The following TF variants were observed in gnomAD, a reference collection of about 807,000 sequenced individuals.
TF encodes serotransferrin.
In TF, 55 loss-of-function variants were observed where a neutral mutation model predicts 82.4. The ratio of observed to expected loss-of-function variants is 0.67; its 90% CI spans 0.54 to 0.84. TF has a LOEUF of 0.84. Among genes scored for constraint, TF ranks in the 40% least tolerant of loss-of-function variants. The pLI, the probability that TF is intolerant of heterozygous loss-of-function variation, is 0.00. For synonymous variants in TF, 332 were observed against 332.6 expected, an observed-to-expected ratio of 1.00 and a Z score of 0.02; for missense variants, 737 against 868.4, an observed-to-expected ratio of 0.85 and a Z score of 1.90.
intron 16 of TF, 135 bp downstream of exon 16, chr3:133,777,373 C>A (rs1934421477): frequency 1.2e-6 from 1 of 813,866 alleles, no homozygotes; most frequent in African/African-American, 1.7e-5. Context: ...GGTGAGTGAA[C>A]AATCTAAGCC....
the TF span, among the ~76,000 whole-genome samples, chr3:133,679,681 T>C: frequency 6.6e-6 from 1 of 150,886 alleles, no homozygotes; most frequent in Non-Finnish European, 1.5e-5. Flanking sequence ...CTCTATTGAA[T>C]GGCTTTACCA....
chr3:133,675,817 A>G, the TF span, among the ~76,000 whole-genome samples: 1 of 152,166 alleles, frequency 6.6e-6, no homozygotes, highest in Non-Finnish European at 1.5e-5. Context: ...AAAATAACCC[A>G]CTTCTGTATG....
At chr3:133,758,489 AT>A (rs762653305) in intron 8 of TF, among the ~76,000 whole-genome samples, 8 of 152,178 alleles carry the variant, frequency 5.3e-5, no homozygotes, top group Non-Finnish European at 8.8e-5. Flanking sequence ...TGTCCTGGAA[AT>A]TTCAAACTGG....
chr3:133,698,885 G>A, the TF span, among the ~76,000 whole-genome samples: 1 of 152,192 alleles, frequency 6.6e-6, no homozygotes, highest in Non-Finnish European at 1.5e-5. Flanking sequence ...AGGTTACCCT[G>A]ACTGGGCCCC....
At chr3:133,742,751 G>T (rs1471784668), upstream of TF, among the ~76,000 whole-genome samples, 1 of 152,174 alleles carries the variant, frequency 6.6e-6, no homozygotes, top group Non-Finnish European at 1.5e-5. Flanking sequence ...TGTTTGCTTT[G>T]CTTCTGTGTC....
intron 2 of TF, 88 bp from the exon 3 acceptor site, chr3:133,753,507 C>G: frequency 8.4e-7 from 1 of 1,185,290 alleles, no homozygotes; most frequent in Middle Eastern, 2.4e-4. Context: ...TCCGTGGAGT[C>G]CTGGTAGCCA....
the TF span, among the ~76,000 whole-genome samples, chr3:133,737,210 T>A: frequency 2.6e-5 from 4 of 152,204 alleles, no homozygotes; most frequent in African/African-American, 9.6e-5. Flanking sequence ...TGTTCCTGAA[T>A]GACTACTGGG....
chr3:133,758,021 C>A (rs1933888243), intron 8 of TF, 75 bp downstream of exon 8: 5 of 1,457,656 alleles, frequency 3.4e-6, no homozygotes, highest in Non-Finnish European at 4.8e-6. Flanking sequence ...GAGATTGAGT[C>A]TTTTCAGGGA....
chr3:133,775,048 A>G, intron 14 of TF: 1 of 335,022 alleles, frequency 3.0e-6, no homozygotes, highest in Non-Finnish European at 5.8e-6. Flanking sequence ...TGGAGATGCC[A>G]TGTGTTACAG....
Position 133,791,039 on chromosome 3 carries a change from T to G in TF, c.*12419T>G, listed in dbSNP as rs777015199. On this transcript the variant is annotated 3_prime_UTR_variant, in exon 17 of 17. Transcript: ENST00000402696. ...CTGGCTTTGCTTGTGTATGCACATA[T>G]AAAATCATATATATTTTTTTTAAAT... 3 of 152,180 alleles carry G rather than the reference T, an allele frequency of 2.0e-5. No homozygotes were observed. Among genetic ancestry groups the G allele is most frequent in the Non-Finnish European group, 2.9e-5 (2 of 68,040 alleles). The allele number at this position is 152,180 out of a possible 1,614,324, so 9.4% of individuals were successfully genotyped here.
chr3:133,679,569 C>CTTTTTTTTTTTTTTTTTTTTTTT, the TF span, among the ~76,000 whole-genome samples: 5 of 75,388 alleles, frequency 6.6e-5, no homozygotes, highest in African/African-American at 1.1e-4. Context: ...CTTTGTTTGG[C>CTTTTTTTTTTTTTTTTTTTTTTT]TTTTTTTTTT....
chr3:133,693,268 C>G, the TF span, among the ~76,000 whole-genome samples: 1 of 152,200 alleles, frequency 6.6e-6, no homozygotes, highest in Non-Finnish European at 1.5e-5. Context: ...TCTAGACACA[C>G]TATTGGCACC....
At position 133,780,149 on chromosome 3, in the gene TF, T is replaced by A. The variant is rs1463087797; in HGVS notation, c.*1529T>A. 1 of 152,170 alleles carries A rather than the reference T, an allele frequency of 6.6e-6. No homozygotes were observed. The highest frequency in any genetic ancestry group is 1.5e-5 in the Non-Finnish European group (1 of 68,048). The allele number at this position is 152,170 out of a possible 1,614,324, so 9.4% of individuals were successfully genotyped here. A position where few individuals can be genotyped will look rare whatever the true frequency, so the allele number is the denominator to read the frequency against. On this transcript the variant is annotated 3_prime_UTR_variant, in exon 17 of 17. Coordinates refer to ENST00000402696, the MANE Select transcript of TF (RefSeq NM_001063.4). ...GTATTCAAGAAAATAGGACTCTGGG[T>A]CCACTTTGCAGTCCAGACCTGATAT...
At chr3:133,688,714 A>G in the TF span, among the ~76,000 whole-genome samples, 1 of 152,352 alleles carries the variant, frequency 6.6e-6, no homozygotes, top group African/African-American at 2.4e-5. Flanking sequence ...TATTATTACT[A>G]AATGTTTTTG....
chr3:133,725,516 G>A, the TF span, among the ~76,000 whole-genome samples: 2 of 152,196 alleles, frequency 1.3e-5, no homozygotes, highest in South Asian at 4.1e-4. Flanking sequence ...TACATCCTGA[G>A]ACTTTGCTGA....
At chr3:133,710,506 A>C in the TF span, among the ~76,000 whole-genome samples, 1 of 152,014 alleles carries the variant, frequency 6.6e-6, no homozygotes, top group East Asian at 1.9e-4. Context: ...AACCCACACC[A>C]TCTACCACCT....
At chr3:133,697,744 T>A in the TF span, among the ~76,000 whole-genome samples, 1 of 152,230 alleles carries the variant, frequency 6.6e-6, no homozygotes, top group African/African-American at 2.4e-5. Flanking sequence ...TACTAAATCA[T>A]TTTGAAATTT....
At chr3:133,707,925 GA>G in the TF span, among the ~76,000 whole-genome samples, 1 of 152,104 alleles carries the variant, frequency 6.6e-6, no homozygotes, top group Admixed American at 6.6e-5. Context: ...AGTAAGATAA[GA>G]AAAAGAGTTG....
intron 2 of TF, among the ~76,000 whole-genome samples, chr3:133,753,134 G>A (rs991397193): frequency 3.9e-5 from 6 of 152,196 alleles, no homozygotes; most frequent in African/African-American, 1.4e-4. Context: ...CTGAGCAAAG[G>A]TCATGGGCTA....
Sources: allele counts gnomAD v4.1 joint callset (sites outside exome capture counted in the v4.1 genomes callset), GRCh38; gene constraint gnomAD v4.1.1; transcripts MANE v1.5; gene names NCBI Gene and HGNC (gene_info 2026-07-23, HGNC 2026-07-21).